The following CCDC178 variants were observed in gnomAD, a reference collection of about 807,000 sequenced individuals.
CCDC178 encodes the protein coiled-coil domain-containing protein 178.
In CCDC178, 126 loss-of-function variants were observed where a neutral mutation model predicts 117.4. The ratio of observed to expected loss-of-function variants is 1.07; its 90% CI spans 0.93 to 1.24. The LOEUF (loss-of-function observed/expected upper bound fraction) is 1.24, where lower values mean the gene tolerates loss of function less well. CCDC178 is among the 50% of genes most tolerant of loss of function. The probability of loss-of-function intolerance (pLI) is 0.00; values close to 1 mark genes in which losing one functional copy is unlikely to be tolerated. For missense variants in CCDC178, 1,030 were observed against 986.9 expected, an observed-to-expected ratio of 1.04 and a Z score of -0.59; for synonymous variants, 283 against 313.4, an observed-to-expected ratio of 0.90 and a Z score of 1.02.
chr18:33,343,718 C>T (rs1189364357), intron 9 of CCDC178, among the ~76,000 whole-genome samples: 1 of 152,042 alleles, frequency 6.6e-6, no homozygotes, highest in Non-Finnish European at 1.5e-5. Context: ...GGAAGACTGA[C>T]CAGAAAATAT....
chr18:33,281,136 A>G (rs928097420), intron 12 of CCDC178, among the ~76,000 whole-genome samples: 1 of 149,772 alleles, frequency 6.7e-6, no homozygotes, highest in East Asian at 2.0e-4. Context: ...CACACAAAAA[A>G]TAAATAAAAT....
At chr18:33,333,092 G>C in intron 10 of CCDC178, 82 bp downstream of exon 10, 1 of 718,946 alleles carries the variant, frequency 1.4e-6, no homozygotes, top group South Asian at 2.0e-5. Context: ...AACCTTTAAA[G>C]CTGTGTTAAT....
chr18:33,433,297 C>T lies in CCDC178; in HGVS notation c.-23+6665G>A, dbSNP rs79654071. Among the ~76,000 whole-genome samples the T allele has an allele frequency of 5.4e-3, 817 of 152,138 alleles. 6 individuals are homozygous for T. The highest frequency in any genetic ancestry group is 0.019 in the African/African-American group (791 of 41,516). ...TCCCTAAATGATCTTCCTCAAAATG[C>T]GAACTACTGAATTAATACAAAGCAT... is the stretch of plus-strand genomic sequence containing the variant. On this transcript the variant is annotated intron_variant, in intron 2 of 22. Transcript: ENST00000383096.
chr18:33,375,898 G>A (rs1286686672), intron 5 of CCDC178, among the ~76,000 whole-genome samples: 1 of 152,106 alleles, frequency 6.6e-6, no homozygotes, highest in Non-Finnish European at 1.5e-5. Flanking sequence ...GAAGCATAAG[G>A]CAGAAGGACA....
chr18:33,015,647 A>G (rs902213648), intron 21 of CCDC178, among the ~76,000 whole-genome samples: 23 of 152,118 alleles, frequency 1.5e-4, no homozygotes, highest in African/African-American at 5.5e-4. Context: ...TAGAAAAAAA[A>G]AAAATCCAAA....
At chr18:33,436,191 C>T (rs1457890) in intron 2 of CCDC178, among the ~76,000 whole-genome samples, 17,346 of 152,006 alleles carry the variant, frequency 0.11, 1,186 homozygotes, top group East Asian at 0.19. Flanking sequence ...GAGTTGCAAC[C>T]TGGAGTCAAG....
chr18:32,939,872 T>C (rs1373607254), intron 22 of CCDC178, among the ~76,000 whole-genome samples: 1 of 152,136 alleles, frequency 6.6e-6, no homozygotes, highest in Non-Finnish European at 1.5e-5. Context: ...ATTATAAATA[T>C]ATAGATAGAC....
intron 22 of CCDC178, among the ~76,000 whole-genome samples, chr18:32,955,891 G>T (rs561764657): frequency 6.6e-6 from 1 of 152,028 alleles, no homozygotes; most frequent in Non-Finnish European, 1.5e-5. Flanking sequence ...TGCAAACATA[G>T]TCTCTATTCT....
Position 33,421,239 on chromosome 18 carries a change from A to G in CCDC178, c.-22-9129T>C, listed in dbSNP as rs534828661. The stretch of plus-strand genomic sequence containing the variant: ...AATTATTAATTCTAGAACCAGTTCT[A>G]GTACAAAAGTATAAACTAACAACAA... On this transcript the variant is annotated intron_variant, in intron 2 of 22. Transcript: ENST00000383096. 1.3e-3 allele frequency among the ~76,000 whole-genome samples: 197 copies of G among 152,364 alleles called. 1 individual carries two copies. The highest frequency in any genetic ancestry group is 4.5e-3 in the African/African-American group (187 of 41,594).
intron 5 of CCDC178, among the ~76,000 whole-genome samples, chr18:33,386,018 C>G (rs1403414976): frequency 1.3e-5 from 2 of 151,906 alleles, no homozygotes; most frequent in Non-Finnish European, 2.9e-5. Flanking sequence ...AAGGGGGATA[C>G]CACCACTGAC....
intron 11 of CCDC178, among the ~76,000 whole-genome samples, chr18:33,311,847 G>A (rs2062347490): frequency 6.6e-6 from 1 of 152,156 alleles, no homozygotes; most frequent in Admixed American, 6.5e-5. Flanking sequence ...CCACCTACAA[G>A]GTTTTGAACA....
At chr18:33,132,744 G>C (rs72943354) in intron 20 of CCDC178, among the ~76,000 whole-genome samples, 1 of 151,582 alleles carries the variant, frequency 6.6e-6, no homozygotes. Flanking sequence ...ACCATTAACA[G>C]AGTAATTCCA....
chr18:33,358,175 C>T (rs1299155557), intron 6 of CCDC178, among the ~76,000 whole-genome samples: 1 of 151,894 alleles, frequency 6.6e-6, no homozygotes, highest in Non-Finnish European at 1.5e-5. Context: ...CATGAGACCA[C>T]TGTTGTATAT....
chr18:33,295,310 G>A (rs1377244436), intron 11 of CCDC178, among the ~76,000 whole-genome samples: 3 of 152,008 alleles, frequency 2.0e-5, no homozygotes, highest in Non-Finnish European at 4.4e-5. Context: ...AACTAAAAAT[G>A]GCTTATATAT....
chr18:33,371,782 T>TACACACACAC (rs769582307), intron 5 of CCDC178, among the ~76,000 whole-genome samples: 712 of 53,574 alleles, frequency 0.013, 6 homozygotes, highest in African/African-American at 0.032. Flanking sequence ...CATAAACATA[T>TACACACACAC]ATACACACAC....
At chr18:33,085,314 G>T (rs1039174217) in intron 21 of CCDC178, among the ~76,000 whole-genome samples, 1 of 152,076 alleles carries the variant, frequency 6.6e-6, no homozygotes, top group African/African-American at 2.4e-5. Flanking sequence ...CTGTAATCCC[G>T]GCACTTTGGG....
intron 21 of CCDC178, among the ~76,000 whole-genome samples, chr18:33,083,833 TTTC>T (rs2145042112): frequency 6.6e-6 from 1 of 152,344 alleles, no homozygotes; most frequent in South Asian, 2.1e-4. Flanking sequence ...TTTTAAAAGA[TTTC>T]TTCTTTTTCA....
Position 33,194,282 on chromosome 18 carries a change from C to A in CCDC178, c.2238+17614G>T, listed in dbSNP as rs372363021. ...TAACTATATGCTTGGTAGAAAATTG[C>A]CACTTAGAGTAGTTATGTAATTTGA... On this transcript the variant is annotated intron_variant, in intron 20 of 22. Transcript: ENST00000383096. Among the ~76,000 whole-genome samples the A allele has an allele frequency of 1.6e-4, 24 of 152,168 alleles. No homozygotes were observed. In the East Asian group the frequency reaches 2.5e-3, roughly 16 times the overall value.
intron 3 of CCDC178, among the ~76,000 whole-genome samples, chr18:33,408,236 T>C (rs1413497163): frequency 6.6e-6 from 1 of 151,892 alleles, no homozygotes; most frequent in African/African-American, 2.4e-5. Context: ...AGAATGATCT[T>C]TACAAACCAT....
Sources: allele counts gnomAD v4.1 joint callset (sites outside exome capture counted in the v4.1 genomes callset), GRCh38; gene constraint gnomAD v4.1.1; transcripts MANE v1.5; gene names NCBI Gene and HGNC (gene_info 2026-07-23, HGNC 2026-07-21).